ZFP91: variants seen among roughly 807,000 people sequenced by gnomAD.
The protein encoded by ZFP91 is ZFP91 zinc finger protein, atypical E3 ubiquitin ligase, also known as E3 ubiquitin-protein ligase ZFP91.
A neutral mutation model predicts 63.5 loss-of-function variants in ZFP91; 7 were observed. The observed-to-expected ratio is 0.11, with a 90% CI of 0.06 to 0.21. ZFP91 has a LOEUF of 0.21. Among genes scored for constraint, ZFP91 ranks in the 10% least tolerant of loss-of-function variants. The probability of loss-of-function intolerance (pLI) is 1.00; values close to 1 mark genes in which losing one functional copy is unlikely to be tolerated. For missense variants in ZFP91, 628 were observed against 736.6 expected, an observed-to-expected ratio of 0.85 and a Z score of 1.71; for synonymous variants, 330 against 272.1, an observed-to-expected ratio of 1.21 and a Z score of -2.10.
intron 2 of ZFP91, among the ~76,000 whole-genome samples, chr11:58,596,624 TGTGTG>T (rs1490373897): frequency 6.6e-6 from 1 of 152,122 alleles, no homozygotes; most frequent in Non-Finnish European, 1.5e-5. Context: ...TACTTCCTCT[TGTGTG>T]GTGTCTGTTT....
chr11:58,594,535 C>T (rs374800938), intron 2 of ZFP91, among the ~76,000 whole-genome samples: 2 of 152,200 alleles, frequency 1.3e-5, no homozygotes, highest in African/African-American at 4.8e-5. Flanking sequence ...ACTTTGATGA[C>T]ATTACTTTGT....
At chr11:58,600,399 G>A (rs1392005969) in intron 2 of ZFP91, among the ~76,000 whole-genome samples, 1 of 151,546 alleles carries the variant, frequency 6.6e-6, no homozygotes, top group Non-Finnish European at 1.5e-5. Context: ...AATGTTATAT[G>A]TTGGTCATAT....
intron 5 of ZFP91, 89 bp from the exon 6 acceptor site, chr11:58,611,515 A>G (rs749650513): frequency 1.4e-6 from 2 of 1,476,650 alleles, no homozygotes; most frequent in Non-Finnish European, 1.8e-6. Context: ...TTTATAACAA[A>G]TCAGTGATAA....
chr11:58,597,947 GTAT>G (rs1855429552), intron 2 of ZFP91, among the ~76,000 whole-genome samples: 1 of 152,088 alleles, frequency 6.6e-6, no homozygotes, highest in Non-Finnish European at 1.5e-5. Context: ...AAGGTTTCAG[GTAT>G]TGCTCTAAAC....
At chr11:58,607,850 G>C (rs1164645499) in intron 2 of ZFP91, among the ~76,000 whole-genome samples, 1 of 151,780 alleles carries the variant, frequency 6.6e-6, no homozygotes, top group Non-Finnish European at 1.5e-5. Context: ...AAGGTATCAT[G>C]GTTTATTTAA....
At chr11:58,593,723 A>G (rs993709200) in intron 2 of ZFP91, among the ~76,000 whole-genome samples, 1 of 152,234 alleles carries the variant, frequency 6.6e-6, no homozygotes, top group Admixed American at 6.5e-5. Context: ...TTTACTCAGC[A>G]GTAATCTCAG....
intron 2 of ZFP91, among the ~76,000 whole-genome samples, chr11:58,595,294 TAA>T (rs750124122): frequency 1.4e-4 from 22 of 152,194 alleles, no homozygotes; most frequent in Non-Finnish European, 2.6e-4. Context: ...TTTAAATACT[TAA>T]AGAGAGATTT....
chr11:58,596,659 A>G (rs554231321), intron 2 of ZFP91, among the ~76,000 whole-genome samples: 55 of 149,240 alleles, frequency 3.7e-4, no homozygotes, highest in Non-Finnish European at 6.2e-4. Flanking sequence ...TTTATCCAAG[A>G]TGCTTATTTT....
rs376012550 is a variant in ZFP91, at chr11:58,611,934, G to A, written c.857+196G>A. 8.1e-6 allele frequency: 5 copies of A among 617,424 alleles called. No homozygotes were observed. In the South Asian group the frequency reaches 1.1e-4, roughly 14 times the overall value. The allele number at this position is 617,424 out of a possible 1,614,324, so 38.2% of individuals were successfully genotyped here. On this transcript the variant is annotated intron_variant, in intron 6 of 10. Coordinates refer to ENST00000316059, the MANE Select transcript of ZFP91 (RefSeq NM_053023.5). Reference sequence around the variant, plus strand: ...AGTAAAAAAATGTTTAGGTTTTTCAGTTCTATTGCAAGGAGAAGGTATTTT... The same window carrying A: ...AGTAAAAAAATGTTTAGGTTTTTCAATTCTATTGCAAGGAGAAGGTATTTT...
intron 3 of ZFP91, 31 bp from the exon 4 acceptor site, chr11:58,610,265 AAT>A (rs770498647): frequency 6.3e-7 from 1 of 1,585,436 alleles, no homozygotes; most frequent in African/African-American, 1.4e-5. Context: ...TATCTACACT[AAT>A]AAAATTTTGT....
intron 2 of ZFP91, among the ~76,000 whole-genome samples, chr11:58,593,437 A>G (rs1245780016): frequency 3.3e-5 from 5 of 152,198 alleles, no homozygotes; most frequent in Non-Finnish European, 7.3e-5. Context: ...TATGTCTTTC[A>G]TGCCCCAGAA....
Position 58,617,149 on chromosome 11 carries a change from C to CT in ZFP91, c.1203-44dup, listed in dbSNP as rs1427398350. On this transcript the variant is annotated intron_variant, in intron 10 of 10. Transcript: ENST00000316059. This position sits in a 1 kb window ranked among gnomAD's most constrained non-coding sequence, Gnocchi z 4.2. ...AACCCTGATCCTGAATAAGAGCACT[C>CT]TTTATTTCTCTGTTGGATCAGCCAT... 2 of 1,521,540 alleles carry CT rather than the reference C, an allele frequency of 1.3e-6. No homozygotes were observed. Among genetic ancestry groups the CT allele is most frequent in the African/African-American group, 2.8e-5 (2 of 71,812 alleles). The allele number at this position is 1,521,540 out of a possible 1,614,324, so 94.3% of individuals were successfully genotyped here.
At position 58,616,798 on chromosome 11, in the gene ZFP91, T is replaced by C; in HGVS notation, c.1185T>C (p.Thr395=). The change falls in exon 10 of 11, where the codon ACT becomes ACC. Residue 395 remains threonine (T), a synonymous_variant. Transcript: ENST00000316059. The part of the protein sequence containing the change: ...HNLAVHRMIH[T]GEKPLQCEIC... Reference sequence around the variant, plus strand: ...TGGCAGTGCACCGGATGATTCACACTGGCGAGAAGCCATTACAGTGAGTAT... The same window carrying C: ...TGGCAGTGCACCGGATGATTCACACCGGCGAGAAGCCATTACAGTGAGTAT... The C allele has an allele frequency of 6.2e-7, 1 of 1,613,856 alleles. No individual in the cohort carries two copies. Among genetic ancestry groups the C allele is most frequent in the Non-Finnish European group, 8.5e-7 (1 of 1,179,838 alleles).
chr11:58,604,426 G>A (rs933386800), intron 2 of ZFP91, among the ~76,000 whole-genome samples: 1 of 152,164 alleles, frequency 6.6e-6, no homozygotes, highest in Non-Finnish European at 1.5e-5. Flanking sequence ...AGGGAGTGTG[G>A]TCTGTTATTG....
At chr11:58,603,617 G>A (rs1339385075) in intron 2 of ZFP91, among the ~76,000 whole-genome samples, 1 of 152,236 alleles carries the variant, frequency 6.6e-6, no homozygotes, top group Non-Finnish European at 1.5e-5. Flanking sequence ...AAAGAAGAAT[G>A]ATGCTGAGGG....
intron 1 of ZFP91, among the ~76,000 whole-genome samples, chr11:58,580,604 T>G (rs1014731807): frequency 6.6e-6 from 1 of 152,214 alleles, no homozygotes; most frequent in Admixed American, 6.5e-5. Flanking sequence ...CCAGTAGAGA[T>G]AGTGGCAAGG....
intron 2 of ZFP91, among the ~76,000 whole-genome samples, chr11:58,600,149 A>C (rs755620673): frequency 6.6e-6 from 1 of 152,076 alleles, no homozygotes; most frequent in Non-Finnish European, 1.5e-5. Flanking sequence ...GTTTGTTTTC[A>C]AGATGGCTGT....
At chr11:58,612,416 G>T (rs1855680834) in intron 7 of ZFP91, 88 bp downstream of exon 7, 5 of 1,353,188 alleles carry the variant, frequency 3.7e-6, no homozygotes, top group Non-Finnish European at 5.1e-6. Context: ...TAATCCTGCA[G>T]GAATGGCTAT....
intron 9 of ZFP91, among the ~76,000 whole-genome samples, chr11:58,615,357 A>C (rs74891497): frequency 6.6e-6 from 1 of 152,218 alleles, no homozygotes; most frequent in South Asian, 2.1e-4. Context: ...CTCCCTGTTA[A>C]TACTGTTTTA....
Sources: gnomAD v4.1 joint callset for allele counts (sites outside exome capture counted in the v4.1 genomes callset) on GRCh38, gnomAD v4.1.1 for gene constraint, Gnocchi (gnomAD v3.1) non-coding constraint, MANE v1.5 for transcripts, NCBI Gene and HGNC (gene_info 2026-07-23, HGNC 2026-07-21) for gene names.